The following CT47B1 variants were observed in gnomAD, a reference collection of about 807,000 sequenced individuals.
The protein encoded by CT47B1 is cancer/testis antigen family 47 member B1, also known as cancer/testis CT47 family, member 13.
Under a neutral mutation model 12.8 loss-of-function variants are expected in CT47B1, and 24 were observed. The observed-to-expected ratio is 1.87, with a 90% confidence interval of 1.36 to 2.63. The LOEUF (loss-of-function observed/expected upper bound fraction) is 2.63, where lower values mean the gene tolerates loss of function less well. Among genes scored for constraint, CT47B1 ranks in the 30% most tolerant of loss-of-function variants. The pLI is 0.00. For missense variants in CT47B1, 523 were observed against 271.3 expected (o/e 1.93, Z -6.52); for synonymous variants, 228 against 133.3 (o/e 1.71, Z -4.89).
In CT47B1 at chrX:120,875,442, G is replaced by C. The variant is rs1263970690; in HGVS notation, c.229C>G (p.Gln77Glu). Residue 77 changes from glutamine (Q) to glutamate (E), a missense_variant, in exon 1 of 3, where the codon CAG (glutamine) becomes GAG (glutamate). Transcript: ENST00000371311. ...EQAAGLAAVP[Q>E]GGSAEEDSDI... ...GAGTCCTCCTCGGCGCTCCCGCCCT[G>C]GGGGACTGCGGCCAGGCCTGCCGCC... 3 of 1,207,148 alleles carry C rather than the reference G, an allele frequency of 2.5e-6. No homozygotes were observed. The highest frequency in any genetic ancestry group is 3.4e-6 in the Non-Finnish European group (3 of 894,365).
chrX:120,875,775 C>T lies in CT47B1; in HGVS notation c.-105G>A, dbSNP rs1435720770. 43 of 570,175 alleles carry T rather than the reference C, an allele frequency of 7.5e-5. No homozygotes were observed. Among genetic ancestry groups the T allele is most frequent in the Non-Finnish European group, 1.0e-4 (41 of 399,163 alleles). 47.0% of individuals were successfully genotyped at this position (570,175 alleles called of 1,213,427 possible). A position where few individuals can be genotyped will look rare whatever the true frequency, so the allele number is the denominator to read the frequency against. Reference sequence around the variant, plus strand: ...GGCCGAGGGGAGGCGAGGAGCTGGCCGCTGAGGGAATAAGAGTCTTTCTCT... The same window carrying T: ...GGCCGAGGGGAGGCGAGGAGCTGGCTGCTGAGGGAATAAGAGTCTTTCTCT... On this transcript the variant is annotated 5_prime_UTR_variant, in exon 1 of 3. Transcript: ENST00000371311.
chrX:120,875,101 G>A lies in CT47B1; in HGVS notation c.570C>T (p.Ile190=), dbSNP rs184565213. 9 of 1,209,750 alleles carry A rather than the reference G, an allele frequency of 7.4e-6. No homozygotes were observed. The highest frequency in any genetic ancestry group is 1.8e-5 in the South Asian group (1 of 56,915). The change falls in exon 1 of 3, where the codon ATC becomes ATT. Residue 190 remains isoleucine (I), a synonymous_variant. Transcript: ENST00000371311. ...AAPEGEGLGL[I]QEAASVQEAA... ...CCTCCTGGACCGACGCAGCCTCCTGGATCAGGCCGAGGCCCTCGCCTTCTG... is the reference window on the plus strand; with the variant it reads ...CCTCCTGGACCGACGCAGCCTCCTGAATCAGGCCGAGGCCCTCGCCTTCTG...
rs1214468133 is a variant in CT47B1 at position 120,875,054 on chromosome X, G to A, written c.617C>T (p.Ala206Val). 2 of 1,209,815 alleles carry A rather than the reference G, an allele frequency of 1.7e-6. No homozygotes were observed. The highest frequency in any genetic ancestry group is 1.8e-5 in the South Asian group (1 of 56,944). The stretch of plus-strand genomic sequence containing the variant: ...CATCTCGGCCAGGTCAGCTGGCACT[G>A]CAGGCTCTGGGACCGACGCGGCCTC... ...VQEAASVPEP[A>V]VPADLAEMAR... Residue 206 changes from alanine (A) to valine (V), a missense_variant, in exon 1 of 3, where the codon GCA (alanine) becomes GTA (valine). Coordinates refer to ENST00000371311, the MANE Select transcript of CT47B1 (RefSeq NM_001145718.3).
rs1923970234 is a variant in CT47B1 at position 120,875,543 on chromosome X, C to G, written c.128G>C (p.Ser43Thr). 3.3e-6 allele frequency: 4 copies of G among 1,196,152 alleles called. No homozygotes were observed. In the Middle Eastern group the frequency reaches 9.7e-4, roughly 289 times the overall value. The change falls in exon 1 of 3, where the codon AGC (serine) becomes ACC (threonine). Residue 43 changes from serine (S) to threonine (T), a missense_variant. Physicochemically the swap from Ser to Thr is moderately conservative, Grantham distance 58. Coordinates refer to ENST00000371311, the MANE Select transcript of CT47B1 (RefSeq NM_001145718.3). The part of the protein sequence containing the change: ...QEGGDSGPDS[S>T]DMVPAAEVVG... The stretch of plus-strand genomic sequence containing the variant: ...CACCTCGGCCGCAGGCACCATGTCG[C>G]TGCTGTCGGGGCCGGAGTCGCCGCC...
chrX:120,875,104 C>G lies in CT47B1; in HGVS notation c.567G>C (p.Leu189=), dbSNP rs753812300. The change falls in exon 1 of 3, where the codon CTG becomes CTC. Residue 189 remains leucine, a synonymous_variant. Coordinates refer to ENST00000371311, the MANE Select transcript of CT47B1 (RefSeq NM_001145718.3). ...AAAPEGEGLG[L]IQEAASVQEA... is the part of the protein sequence containing the mutation. ...CCTGGACCGACGCAGCCTCCTGGAT[C>G]AGGCCGAGGCCCTCGCCTTCTGGGG... 3 of 1,210,095 alleles carry G rather than the reference C, an allele frequency of 2.5e-6. No individual in the cohort carries two copies. The highest frequency in any genetic ancestry group is 3.4e-6 in the Non-Finnish European group (3 of 894,714).
chrX:120,873,241 T>C (rs1231561241), intron 2 of CT47B1, among the ~76,000 whole-genome samples: 1 of 101,038 alleles, frequency 9.9e-6, no homozygotes, highest in Non-Finnish European at 2.2e-5. Context: ...ATGTTAACCA[T>C]TTAAATATAC....
rs764532386 is a variant in CT47B1, at chrX:120,875,302, C to T, written c.369G>A (p.Val123=). The T allele has an allele frequency of 2.5e-6, 3 of 1,211,342 alleles. No homozygotes were observed. The highest frequency in any genetic ancestry group is 3.4e-6 in the Non-Finnish European group (3 of 894,911). Residue 123 remains valine (V), a synonymous_variant, in exon 1 of 3, where the codon GTG becomes GTA. Coordinates refer to ENST00000371311, the MANE Select transcript of CT47B1 (RefSeq NM_001145718.3). ...GAAGGGAGTGGACCAGGTACAGGAACACGAAGCCAATGCCCGCCGCCGGGT... is the reference window on the plus strand; with the variant it reads ...GAAGGGAGTGGACCAGGTACAGGAATACGAAGCCAATGCCCGCCGCCGGGT... ...RRYPAAGIGF[V]FLYLVHSLLR...
Position 120,875,118 on chromosome X carries a change from C to A in CT47B1, c.553G>T (p.Glu185Ter), listed in dbSNP as rs746347112. 11 of 1,208,754 alleles carry A rather than the reference C, an allele frequency of 9.1e-6. No homozygotes were observed. The highest frequency in any genetic ancestry group is 1.2e-5 in the Non-Finnish European group (11 of 894,463). ...LGAGAAAPEG[E>*]GLGLIQEAAS... ...GCCTCCTGGATCAGGCCGAGGCCCT[C>A]GCCTTCTGGGGCTGCAGCCCCTGCA... Residue 185 changes from glutamate to a stop codon, truncating the protein, a stop_gained, in exon 1 of 3, where the codon GAG (glutamate) becomes TAG (stop). Transcript: ENST00000371311. LOFTEE classifies it high-confidence loss of function.
intron 1 of CT47B1, among the ~76,000 whole-genome samples, 178 bp from the exon 2 acceptor site, chrX:120,874,198 C>G (rs760206366): frequency 6.2e-5 from 6 of 96,565 alleles, no homozygotes; most frequent in Non-Finnish European, 1.0e-4. Context: ...ATGGCCCTCA[C>G]GTTGCTGCTG....
rs1165024400 is a variant in CT47B1 at position 120,875,287 on chromosome X, G to C, written c.384C>G (p.Val128=). ...GATAGAGGCGGCGGAGAAGGGAGTG[G>C]ACCAGGTACAGGAACACGAAGCCAA... ...AGIGFVFLYL[V]HSLLRRLYHN... Residue 128 remains valine, a synonymous_variant, in exon 1 of 3, where the codon GTC becomes GTG. Coordinates refer to ENST00000371311, the MANE Select transcript of CT47B1 (RefSeq NM_001145718.3). 3 of 1,211,422 alleles carry C rather than the reference G, an allele frequency of 2.5e-6. No individual in the cohort carries two copies. Among genetic ancestry groups the C allele is most frequent in the African/African-American group, 1.7e-5 (1 of 58,022 alleles).
chrX:120,873,039 GC>G (rs1425232452), intron 2 of CT47B1, among the ~76,000 whole-genome samples: 4 of 97,883 alleles, frequency 4.1e-5, no homozygotes, highest in African/African-American at 1.4e-4. Context: ...AAAGCTTGTT[GC>G]TTTTGTTTTT....
Position 120,875,848 on chromosome X carries a change from AG to A in CT47B1, c.-179del. On this transcript the variant is annotated 5_prime_UTR_variant, in exon 1 of 3. Transcript: ENST00000371311. The stretch of plus-strand genomic sequence containing the variant: ...TCTCAGAGGACACCCTAAGGTGGGA[AG>A]GGCAGGGAGCGAATCCTAGGAACCT... 2 of 550,034 alleles carry A rather than the reference AG, an allele frequency of 3.6e-6. No individual in the cohort carries two copies. 45.3% of individuals were successfully genotyped at this position (550,034 alleles called of 1,213,427 possible).
Position 120,875,043 on chromosome X carries a change from C to G in CT47B1, c.628G>C (p.Asp210His), listed in dbSNP as rs759922167. The part of the protein sequence containing the change: ...ASVPEPAVPA[D>H]LAEMAREPAE... ...GGCTCCCTGGCCATCTCGGCCAGGT[C>G]AGCTGGCACTGCAGGCTCTGGGACC... Residue 210 changes from aspartate (D) to histidine (H), a missense_variant, in exon 1 of 3, where the codon GAC becomes CAC. Asp to His is a moderately conservative substitution (Grantham distance 81). Transcript: ENST00000371311. 3.3e-6 allele frequency: 4 copies of G among 1,209,987 alleles called. No individual in the cohort carries two copies. Among genetic ancestry groups the G allele is most frequent in the South Asian group, 1.8e-5 (1 of 56,946 alleles).
rs758016716 is a variant in CT47B1 at position 120,875,110 on chromosome X, G to A, written c.561C>T (p.Leu187=). 10 of 1,208,648 alleles carry A rather than the reference G, an allele frequency of 8.3e-6. No individual in the cohort carries two copies. The highest frequency in any genetic ancestry group is 1.8e-5 in the South Asian group (1 of 56,807). The part of the protein sequence containing the change: ...AGAAAPEGEG[L]GLIQEAASVQ... The stretch of plus-strand genomic sequence containing the variant: ...CCGACGCAGCCTCCTGGATCAGGCC[G>A]AGGCCCTCGCCTTCTGGGGCTGCAG... The change falls in exon 1 of 3, where the codon CTC becomes CTT. Residue 187 remains leucine, a synonymous_variant. Transcript: ENST00000371311.
chrX:120,874,779 G>A (rs1923872409), intron 1 of CT47B1, 117 bp downstream of exon 1: 2 of 1,087,558 alleles, frequency 1.8e-6, no homozygotes, highest in Middle Eastern at 3.7e-4. Flanking sequence ...TTCACCACCC[G>A]AGGCCCCGAC....
At position 120,875,163 on chromosome X, in the gene CT47B1, G is replaced by A; in HGVS notation, c.508C>T (p.Leu170=). 3 of 1,211,031 alleles carry A rather than the reference G, an allele frequency of 2.5e-6. No homozygotes were observed. The highest frequency in any genetic ancestry group is 1.8e-5 in the South Asian group (1 of 56,980). ...PNLWDNPPLL[L]LSQRLGAGAA... ...CCTGCACCCAGCCTCTGGGACAGCA[G>A]CAGCAGGGGAGGGTTGTCCCAGAGG... Residue 170 remains leucine, a synonymous_variant, in exon 1 of 3, where the codon CTG becomes TTG. Transcript: ENST00000371311.
In CT47B1 at chrX:120,875,208, G is replaced by A. The variant is rs1378595740; in HGVS notation, c.463C>T (p.Pro155Ser). Residue 155 changes from proline to serine, a missense_variant, in exon 1 of 3, where the codon CCC (proline) becomes TCC (serine). Transcript: ENST00000371311. ...NRHLSRLMVG[P>S]HAAVPNLWDN... ...CAGAGGTTGGGCACAGCAGCGTGGG[G>A]CCCCACCATCAGGCGGCTGAGGTGA... The A allele has an allele frequency of 8.3e-7, 1 of 1,211,460 alleles. No homozygotes were observed. Among genetic ancestry groups the A allele is most frequent in the East Asian group, 3.0e-5 (1 of 33,845 alleles).
Position 120,874,823 on chromosome X carries a change from G to A in CT47B1, c.775+73C>T, listed in dbSNP as rs766844006. 34 of 1,168,206 alleles carry A rather than the reference G, an allele frequency of 2.9e-5. No individual in the cohort carries two copies. The South Asian group carries it at 4.3e-4, about 15-fold the overall frequency. On this transcript the variant is annotated intron_variant, in intron 1 of 2. Transcript: ENST00000371311. Reference sequence around the variant, plus strand: ...ACCACCCGCTTCACCAGCTGTGCCCGCACCGCAGCCCTGCCCAGAGCCCTT... The same window carrying A: ...ACCACCCGCTTCACCAGCTGTGCCCACACCGCAGCCCTGCCCAGAGCCCTT...
In CT47B1 at chrX:120,875,322, C is replaced by T; in HGVS notation, c.349G>A (p.Ala117Thr). The T allele has an allele frequency of 5.0e-6, 6 of 1,210,853 alleles. No homozygotes were observed. Among genetic ancestry groups the T allele is most frequent in the Non-Finnish European group, 4.5e-6 (4 of 894,689 alleles). The change falls in exon 1 of 3, where the codon GCG (alanine) becomes ACG (threonine). Residue 117 changes from alanine (A) to threonine (T), a missense_variant. Physicochemically the swap from Ala to Thr is moderately conservative, Grantham distance 58 (BLOSUM62 0). Transcript: ENST00000371311. ...DLAVATRRYP[A>T]AGIGFVFLYL... ...AGGAACACGAAGCCAATGCCCGCCG[C>T]CGGGTACCGACGGGTGGCCACCGCC...
Sources: gnomAD v4.1 joint callset for allele counts (sites outside exome capture counted in the v4.1 genomes callset) on GRCh38, gnomAD v4.1.1 for gene constraint, MANE v1.5 for transcripts, NCBI Gene and HGNC (gene_info 2026-07-23, HGNC 2026-07-21) for gene names.